Variants in FGF14 observed in about 807,000 individuals in gnomAD.
FGF14 encodes fibroblast growth factor homologous factor 4.
A neutral mutation model predicts 25.5 loss-of-function variants in FGF14; 5 were observed. The ratio of observed to expected loss-of-function variants is 0.20; its 90% CI spans 0.10 to 0.41. The LOEUF (loss-of-function observed/expected upper bound fraction) is 0.41. Ranked by LOEUF, FGF14 falls within the 10% of genes least tolerant of loss-of-function variation. The pLI is 1.00. For missense variants in FGF14, 222 were observed against 320.1 expected (o/e 0.69, Z 2.34); for synonymous variants, 138 against 118.3 (o/e 1.17, Z -1.08).
intron 3 of FGF14, among the ~76,000 whole-genome samples, chr13:101,757,303 A>C (rs936374209): frequency 6.6e-6 from 1 of 151,966 alleles, no homozygotes; most frequent in Non-Finnish European, 1.5e-5. Context: ...TTGGGGTTCT[A>C]TTTTCTCATA....
At chr13:101,907,998 G>T (rs1467972989) in intron 1 of FGF14, among the ~76,000 whole-genome samples, 1 of 152,148 alleles carries the variant, frequency 6.6e-6, no homozygotes, top group Non-Finnish European at 1.5e-5. Context: ...TGTGGAGTAT[G>T]TGAACATTTA....
At chr13:102,184,458 T>C (rs2048800514) in intron 1 of FGF14, among the ~76,000 whole-genome samples, 1 of 152,180 alleles carries the variant, frequency 6.6e-6, no homozygotes, top group Non-Finnish European at 1.5e-5. Flanking sequence ...TAGTGAGAGA[T>C]TGATCATGCT....
chr13:101,816,505 C>T (rs935007494), intron 3 of FGF14, among the ~76,000 whole-genome samples: 10 of 152,024 alleles, frequency 6.6e-5, no homozygotes, highest in African/African-American at 2.4e-4. Context: ...CTGTTTTGAT[C>T]TGTGATTTAA....
chr13:102,374,228 C>T (rs2057968030), intron 1 of FGF14, among the ~76,000 whole-genome samples: 1 of 152,064 alleles, frequency 6.6e-6, no homozygotes, highest in Non-Finnish European at 1.5e-5. Flanking sequence ...ATTTACACTT[C>T]TCTTTCAAGT....
At chr13:102,044,026 G>C (rs2041865637) in intron 1 of FGF14, among the ~76,000 whole-genome samples, 1 of 152,198 alleles carries the variant, frequency 6.6e-6, no homozygotes, top group South Asian at 2.1e-4. Context: ...AATGACACTG[G>C]AATGTGAATG....
intron 3 of FGF14, among the ~76,000 whole-genome samples, chr13:101,789,345 A>G (rs7990779): frequency 0.42 from 63,026 of 151,814 alleles, 13,689 homozygotes; most frequent in East Asian, 0.83. Flanking sequence ...AGTACCTAAT[A>G]TTATCAACTT....
intron 1 of FGF14, among the ~76,000 whole-genome samples, chr13:102,052,908 A>G (rs561634735): frequency 6.6e-6 from 1 of 152,292 alleles, no homozygotes; most frequent in African/African-American, 2.4e-5. Context: ...TGGTGTGTAC[A>G]TCACTTATGT....
chr13:102,148,653 C>CA (rs1029567571), intron 1 of FGF14, among the ~76,000 whole-genome samples: 1 of 152,016 alleles, frequency 6.6e-6, no homozygotes, highest in African/African-American at 2.4e-5. Flanking sequence ...TACCAAAATA[C>CA]AAAAAATTAG....
chr13:101,969,519 C>A (rs2139528504), intron 1 of FGF14, among the ~76,000 whole-genome samples: 1 of 152,324 alleles, frequency 6.6e-6, no homozygotes, highest in East Asian at 1.9e-4. Context: ...ATATTTCAAT[C>A]TGGTGAAGGA....
chr13:102,193,596 A>G (rs2049214478), intron 1 of FGF14, among the ~76,000 whole-genome samples: 1 of 152,208 alleles, frequency 6.6e-6, no homozygotes, highest in Non-Finnish European at 1.5e-5. Context: ...CACACATGGA[A>G]CTATTCAGGA....
intron 1 of FGF14, among the ~76,000 whole-genome samples, chr13:102,098,478 G>C (rs1037980262): frequency 2.6e-5 from 4 of 152,160 alleles, no homozygotes; most frequent in Non-Finnish European, 5.9e-5. Context: ...ACAGTTTAAG[G>C]AAGATGTTCT....
chr13:102,195,169 G>T (rs2049294434), intron 1 of FGF14, among the ~76,000 whole-genome samples: 1 of 152,036 alleles, frequency 6.6e-6, no homozygotes, highest in African/African-American at 2.4e-5. Flanking sequence ...TCCACATGAA[G>T]AAATATTAAC....
chr13:101,852,893 C>T (rs968395720), intron 3 of FGF14, among the ~76,000 whole-genome samples: 10 of 152,086 alleles, frequency 6.6e-5, no homozygotes, highest in African/African-American at 2.4e-4. Context: ...TCATTTAGGT[C>T]ACTATTTAAA....
chr13:102,370,936 CA>C lies in FGF14; in HGVS notation c.208+30534del, dbSNP rs34438270. Among the ~76,000 whole-genome samples, 1,059 of 130,344 alleles carry C rather than the reference CA, an allele frequency of 8.1e-3. 7 individuals carry two copies. Among genetic ancestry groups the C allele is most frequent in the African/African-American group, 0.024 (869 of 35,530 alleles). The allele number at this position is 130,344 out of a possible 152,430, so 85.5% of individuals were successfully genotyped here. ...TATCCTCATACCTTCTTCCGCATAC[CA>C]AAAAAAAAAAAAACCAACAGAAAAA... On this transcript the variant is annotated intron_variant, in intron 1 of 4. Coordinates refer to the FGF14 transcript ENST00000376131.
At chr13:102,178,544 CT>C (rs2048537441) in intron 1 of FGF14, among the ~76,000 whole-genome samples, 1 of 152,132 alleles carries the variant, frequency 6.6e-6, no homozygotes. Flanking sequence ...TGTCATCCCC[CT>C]CCCACCCTTC....
intron 1 of FGF14, among the ~76,000 whole-genome samples, chr13:101,953,795 G>C (rs983913773): frequency 7.9e-5 from 12 of 151,752 alleles, no homozygotes; most frequent in African/African-American, 2.9e-4. Flanking sequence ...TCACCATGTT[G>C]ATCAGGCTGG....
At chr13:102,186,564 G>A (rs951252284) in intron 1 of FGF14, among the ~76,000 whole-genome samples, 6 of 152,106 alleles carry the variant, frequency 3.9e-5, no homozygotes, top group African/African-American at 1.2e-4. Flanking sequence ...CTGAAAGTAA[G>A]TTATAATTCT....
At chr13:102,192,389 T>TA (rs1478664578) in intron 1 of FGF14, among the ~76,000 whole-genome samples, 4 of 152,216 alleles carry the variant, frequency 2.6e-5, no homozygotes, top group Non-Finnish European at 4.4e-5. Context: ...CATGAGTCAT[T>TA]ACCACGATCT....
chr13:102,043,959 A>G (rs1314681003), intron 1 of FGF14, among the ~76,000 whole-genome samples: 1 of 152,218 alleles, frequency 6.6e-6, no homozygotes, highest in Non-Finnish European at 1.5e-5. Context: ...CTGAAATTAC[A>G]GTGCTCAAGT....
Sources: allele counts gnomAD v4.1 joint callset (sites outside exome capture counted in the v4.1 genomes callset), GRCh38; gene constraint gnomAD v4.1.1; transcripts MANE v1.5; gene names NCBI Gene and HGNC (gene_info 2026-07-23, HGNC 2026-07-21).